PAEP: variants seen among roughly 807,000 people sequenced by gnomAD.
PAEP encodes the protein glycodelin.
Under a neutral mutation model 23.0 loss-of-function variants are expected in PAEP, and 28 were observed. The ratio of observed to expected loss-of-function variants is 1.22; its 90% CI spans 0.90 to 1.67. The LOEUF (loss-of-function observed/expected upper bound fraction) is 1.67, where lower values mean the gene tolerates loss of function less well. Ranked by LOEUF, PAEP falls within the 40% of genes most tolerant of loss-of-function variation. The pLI is 0.00. For synonymous variants in PAEP, 103 were observed against 92.4 expected, an observed-to-expected ratio of 1.12 and a Z score of -0.66; for missense variants, 209 against 226.4, an observed-to-expected ratio of 0.92 and a Z score of 0.49.
chr9:135,565,515 G>A lies in PAEP; in HGVS notation c.526+1G>A. 6.2e-7 allele frequency: 1 copy of A among 1,612,744 alleles called. No homozygotes were observed. On this transcript the variant is annotated splice_donor_variant, in intron 5 of 6. Coordinates refer to ENST00000479141, the MANE Select transcript of PAEP (RefSeq NM_002571.4). LOFTEE classifies it high-confidence loss of function. ...TTGCTGGACTTGAAACAGATGGAAG[G>A]TGAGCTCTGCCTAGGACACGCCCAG...
In PAEP at chr9:135,561,906, C is replaced by G. The variant is rs1832315320; in HGVS notation, c.96+9C>G. 2 of 1,503,720 alleles carry G rather than the reference C, an allele frequency of 1.3e-6. No homozygotes were observed. Among genetic ancestry groups the G allele is most frequent in the Non-Finnish European group, 1.8e-6 (2 of 1,115,944 alleles). The allele number at this position is 1,503,720 out of a possible 1,614,324, so 93.1% of individuals were successfully genotyped here. A position where few individuals can be genotyped will look rare whatever the true frequency, so the allele number is the denominator to read the frequency against. On this transcript the variant is annotated intron_variant, in intron 1 of 6. Coordinates refer to ENST00000479141, the MANE Select transcript of PAEP (RefSeq NM_002571.4). ...ACCTGGAGCTCCCAAAGGTTTGAGG[C>G]TGGGGGAGCGGGCACTTTACTGTGG...
intron 4 of PAEP, chr9:135,565,207 T>C: frequency 1.7e-6 from 1 of 589,950 alleles, no homozygotes; most frequent in Non-Finnish European, 3.0e-6. Context: ...GGCCAAGGAG[T>C]GGGAGCTGGG....
intron 3 of PAEP, among the ~76,000 whole-genome samples, chr9:135,563,814 A>C (rs1344826608): frequency 6.6e-6 from 1 of 152,018 alleles, no homozygotes; most frequent in Non-Finnish European, 1.5e-5. Flanking sequence ...TTTGCTTCTC[A>C]TGCTTGGGAC....
chr9:135,565,095 G>A (rs981156434), intron 4 of PAEP, among the ~76,000 whole-genome samples: 7 of 152,158 alleles, frequency 4.6e-5, no homozygotes, highest in Admixed American at 2.6e-4. Context: ...GGTGAGAGCC[G>A]GGCACTGGGA....
At chr9:135,562,725 C>A in intron 2 of PAEP, 95 bp from the exon 3 acceptor site, 1 of 1,059,390 alleles carries the variant, frequency 9.4e-7, no homozygotes, top group Non-Finnish European at 1.5e-6. Context: ...GCTCCTTGGA[C>A]CCGGGGAAGT....
At chr9:135,563,586 G>A (rs1026823166) in intron 3 of PAEP, among the ~76,000 whole-genome samples, 5 of 152,018 alleles carry the variant, frequency 3.3e-5, no homozygotes, top group Admixed American at 6.6e-5. Flanking sequence ...TGCCTCCTGC[G>A]CACTCTGGGG....
chr9:135,565,903 T>C, intron 6 of PAEP, 102 bp downstream of exon 6: 1 of 1,296,634 alleles, frequency 7.7e-7, no homozygotes, highest in Non-Finnish European at 1.1e-6. Flanking sequence ...CTGTGTCCAG[T>C]TCAGGGCTGA....
At chr9:135,563,746 G>A (rs1323659450) in intron 3 of PAEP, among the ~76,000 whole-genome samples, 2 of 152,162 alleles carry the variant, frequency 1.3e-5, no homozygotes, top group African/African-American at 4.8e-5. Context: ...AAAGACAGAG[G>A]TGGTCAGGGT....
At position 135,561,968 on chromosome 9, in the gene PAEP, A is replaced by G. The variant is rs1405482915; in HGVS notation, c.96+71A>G. On this transcript the variant is annotated intron_variant, in intron 1 of 6. Coordinates refer to ENST00000479141, the MANE Select transcript of PAEP (RefSeq NM_002571.4). ...CGGGTGGGAGCTGCGGGCAGGCAGG[A>G]AGCCCAGGATCTCAGAAACCTACAG... 1.0e-5 allele frequency: 12 copies of G among 1,180,384 alleles called. No individual in the cohort carries two copies. In the African/African-American group the frequency reaches 1.7e-4, roughly 16 times the overall value. 73.1% of individuals were successfully genotyped at this position (1,180,384 alleles called of 1,614,324 possible).
At position 135,562,885 on chromosome 9, in the gene PAEP, A is replaced by G. The variant is rs1203956405; in HGVS notation, c.302A>G (p.Lys101Arg). 6.2e-7 allele frequency: 1 copy of G among 1,613,244 alleles called. No individual in the cohort carries two copies. Among genetic ancestry groups the G allele is most frequent in the Admixed American group, 1.7e-5 (1 of 60,020 alleles). The change falls in exon 3 of 7, where the codon AAG becomes AGG. Residue 101 changes from lysine to arginine, a missense_variant. By Grantham distance (26) the Lys-to-Arg change is conservative (BLOSUM62 2). Transcript: ENST00000479141. ...GEKTENPKKF[K>R]INYTVANEAT... Reference sequence around the variant, plus strand: ...AAGACTGAGAATCCAAAGAAGTTCAAGATCAACTGTGAGTGTCCCCAGGCC... The same window carrying G: ...AAGACTGAGAATCCAAAGAAGTTCAGGATCAACTGTGAGTGTCCCCAGGCC...
chr9:135,564,254 G>A lies in PAEP; in HGVS notation c.321G>A (p.Ala107=), dbSNP rs1324160170. ...PKKFKINYTV[A]NEATLLDTDY... Reference sequence around the variant, plus strand: ...CTCTTCTTTCCCCAGATACGGTGGCGAACGAGGCCACGCTGCTCGATACTG... The same window carrying A: ...CTCTTCTTTCCCCAGATACGGTGGCAAACGAGGCCACGCTGCTCGATACTG... The change falls in exon 4 of 7, where the codon GCG becomes GCA. Residue 107 remains alanine (A), a synonymous_variant. Coordinates refer to ENST00000479141, the MANE Select transcript of PAEP (RefSeq NM_002571.4). The A allele has an allele frequency of 6.4e-6, 10 of 1,552,660 alleles. No individual in the cohort carries two copies. The highest frequency in any genetic ancestry group is 3.6e-5 in the South Asian group (3 of 84,104).
intron 3 of PAEP, among the ~76,000 whole-genome samples, chr9:135,563,271 A>AGGGTAGGTGAACAGGT (rs1588172721): frequency 8.0e-6 from 1 of 124,726 alleles, no homozygotes; most frequent in East Asian, 2.6e-4. Flanking sequence ...GGTGGGCAGG[A>AGGGTAGGTGAACAGGT]GGGTAGGTGA....
chr9:135,565,389 C>G, intron 4 of PAEP, 21 bp from the exon 5 acceptor site: 1 of 1,604,640 alleles, frequency 6.2e-7, no homozygotes, highest in Non-Finnish European at 8.5e-7. Context: ...GGGCCCAGGA[C>G]TGACCCAGCC....
chr9:135,564,900 T>G (rs1408910109), intron 4 of PAEP: 2 of 984,188 alleles, frequency 2.0e-6, no homozygotes, highest in Non-Finnish European at 2.4e-6. Context: ...GGGCTGGGCT[T>G]GGTGGATAGA....
Position 135,565,453 on chromosome 9 carries a change from C to A in PAEP, c.465C>A (p.Ile155=). ...VEDDEIMQGF[I]RAFRPLPRHL... ...ACGATGAGATCATGCAGGGATTCATCAGGGCTTTCAGGCCCCTGCCCAGGC... is the reference window on the plus strand; with the variant it reads ...ACGATGAGATCATGCAGGGATTCATAAGGGCTTTCAGGCCCCTGCCCAGGC... The change falls in exon 5 of 7, where the codon ATC becomes ATA. Residue 155 remains isoleucine (I), a synonymous_variant. Coordinates refer to ENST00000479141, the MANE Select transcript of PAEP (RefSeq NM_002571.4). 2 of 1,614,184 alleles carry A rather than the reference C, an allele frequency of 1.2e-6. No individual in the cohort carries two copies. The highest frequency in any genetic ancestry group is 1.7e-6 in the Non-Finnish European group (2 of 1,180,028).
chr9:135,564,783 C>T (rs1832499132), intron 4 of PAEP: 2 of 984,824 alleles, frequency 2.0e-6, no homozygotes, highest in East Asian at 1.1e-4. Flanking sequence ...GGATTACAGG[C>T]GTGAGCCACC....
At chr9:135,562,717 T>A in intron 2 of PAEP, 103 bp from the exon 3 acceptor site, 1 of 995,840 alleles carries the variant, frequency 1.0e-6, no homozygotes. Context: ...GCTGCGGTGC[T>A]CCTTGGACCC....
chr9:135,563,739 G>C (rs1388076713), intron 3 of PAEP, among the ~76,000 whole-genome samples: 1 of 152,092 alleles, frequency 6.6e-6, no homozygotes, highest in Non-Finnish European at 1.5e-5. Flanking sequence ...TTTTTAAAAA[G>C]ACAGAGGTGG....
chr9:135,566,069 G>T (rs1473454511), intron 6 of PAEP: 2 of 522,454 alleles, frequency 3.8e-6, no homozygotes. Flanking sequence ...GGGGTTAGGG[G>T]TGTTGGTTGG....
Sources: allele counts gnomAD v4.1 joint callset (sites outside exome capture counted in the v4.1 genomes callset), GRCh38; gene constraint gnomAD v4.1.1; transcripts MANE v1.5; gene names NCBI Gene and HGNC (gene_info 2026-07-23, HGNC 2026-07-21).